The following VAV3 variants were observed in gnomAD, a reference collection of about 807,000 sequenced individuals.
VAV3 encodes the protein guanine nucleotide exchange factor VAV3.
In VAV3, 94 loss-of-function variants were observed where a neutral mutation model predicts 131.2. The observed-to-expected ratio is 0.72, with a 90% CI of 0.61 to 0.85. The LOEUF (loss-of-function observed/expected upper bound fraction) is 0.85. Among genes scored for constraint, VAV3 ranks in the 40% least tolerant of loss-of-function variants. The probability of loss-of-function intolerance (pLI) is 0.00; values close to 1 mark genes in which losing one functional copy is unlikely to be tolerated. For missense variants in VAV3, 939 were observed against 1,002.7 expected (o/e 0.94, Z 0.86); for synonymous variants, 349 against 342.0 (o/e 1.02, Z -0.22).
At chr1:107,898,790 T>C (rs1671726773) in intron 1 of VAV3, among the ~76,000 whole-genome samples, 1 of 152,204 alleles carries the variant, frequency 6.6e-6, no homozygotes, top group African/African-American at 2.4e-5. Context: ...TTATATACTA[T>C]ACATGAACAT....
At chr1:107,777,343 G>C (rs17235990) in intron 3 of VAV3, 47 bp from the exon 4 acceptor site, 19,191 of 1,553,012 alleles carry the variant, frequency 0.012, 204 homozygotes, top group South Asian at 0.032. Flanking sequence ...ACCCATGAGT[G>C]AACGAGCAAC....
intron 20 of VAV3, among the ~76,000 whole-genome samples, chr1:107,637,680 T>C (rs1298552649): frequency 6.6e-6 from 1 of 152,128 alleles, no homozygotes; most frequent in Non-Finnish European, 1.5e-5. Flanking sequence ...AAGGAAACTC[T>C]AGGCCTAGAT....
intron 2 of VAV3, among the ~76,000 whole-genome samples, chr1:107,869,369 T>G (rs1670149382): frequency 6.6e-6 from 1 of 152,170 alleles, no homozygotes; most frequent in Admixed American, 6.5e-5. Flanking sequence ...TTGCACTTAA[T>G]TCAAAATTCG....
chr1:107,755,532 G>C lies in VAV3; in HGVS notation c.1087-19C>G. Reference sequence around the variant, plus strand: ...CCAAGTCCTAGACAATAAAGAAAAGGGTAGAAAAAGAAGGCACACTAAGAT... The same window carrying C: ...CCAAGTCCTAGACAATAAAGAAAAGCGTAGAAAAAGAAGGCACACTAAGAT... On this transcript the variant is annotated intron_variant, in intron 11 of 26. Transcript: ENST00000370056. 6.3e-7 allele frequency: 1 copy of C among 1,579,412 alleles called. No homozygotes were observed. Among genetic ancestry groups the C allele is most frequent in the Non-Finnish European group, 8.7e-7 (1 of 1,152,740 alleles).
At chr1:107,677,088 G>C (rs1658264672) in intron 19 of VAV3, among the ~76,000 whole-genome samples, 3 of 152,154 alleles carry the variant, frequency 2.0e-5, no homozygotes, top group African/African-American at 7.2e-5. Flanking sequence ...AAATTTAGAA[G>C]TCAACTTGAT....
At chr1:107,729,645 T>C (rs956308109) in intron 15 of VAV3, among the ~76,000 whole-genome samples, 1 of 152,210 alleles carries the variant, frequency 6.6e-6, no homozygotes, top group Admixed American at 6.5e-5. Context: ...AATTTTCTCA[T>C]TTGCTAAAAC....
chr1:107,688,480 C>A, intron 17 of VAV3, 74 bp from the exon 18 acceptor site: 1 of 1,602,738 alleles, frequency 6.2e-7, no homozygotes, highest in Non-Finnish European at 8.5e-7. Flanking sequence ...GCTTTCTCTG[C>A]AGAGTGGTAA....
At chr1:107,767,581 G>A (rs988794357) in intron 7 of VAV3, among the ~76,000 whole-genome samples, 1 of 152,204 alleles carries the variant, frequency 6.6e-6, no homozygotes, top group African/African-American at 2.4e-5. Context: ...AGGATGACAT[G>A]CCATTGCTTA....
At chr1:107,642,568 G>C in intron 20 of VAV3, 51 bp downstream of exon 20, 1 of 1,587,660 alleles carries the variant, frequency 6.3e-7, no homozygotes, top group East Asian at 2.2e-5. Flanking sequence ...CAAGATTTAA[G>C]AACCCTCTCT....
chr1:107,836,030 C>T (rs1668464676), intron 2 of VAV3, among the ~76,000 whole-genome samples: 1 of 152,182 alleles, frequency 6.6e-6, no homozygotes, highest in African/African-American at 2.4e-5. Context: ...CATCCAGATT[C>T]ATAAAACAAG....
At chr1:107,649,435 A>T (rs1004349168) in intron 19 of VAV3, among the ~76,000 whole-genome samples, 4 of 152,106 alleles carry the variant, frequency 2.6e-5, no homozygotes, top group African/African-American at 9.7e-5. Context: ...TTCTGTAAAC[A>T]AAAGATGACT....
intron 2 of VAV3, among the ~76,000 whole-genome samples, chr1:107,822,381 G>A (rs573508765): frequency 3.3e-5 from 5 of 152,202 alleles, no homozygotes; most frequent in East Asian, 3.9e-4. Flanking sequence ...TGGGCTGGGC[G>A]CGGTGGCTCA....
At chr1:107,907,847 C>G (rs1310836040) in intron 1 of VAV3, among the ~76,000 whole-genome samples, 1 of 152,146 alleles carries the variant, frequency 6.6e-6, no homozygotes, top group Non-Finnish European at 1.5e-5. Flanking sequence ...TTAACAATTA[C>G]CCAGTCTATG....
At chr1:107,755,548 AC>A in intron 11 of VAV3, 35 bp from the exon 12 acceptor site, 1 of 1,501,176 alleles carries the variant, frequency 6.7e-7, no homozygotes, top group Non-Finnish European at 9.2e-7. Context: ...AAAAGAAGGC[AC>A]ACTAAGATTA....
intron 2 of VAV3, among the ~76,000 whole-genome samples, chr1:107,781,650 A>T (rs1392555080): frequency 6.6e-6 from 1 of 152,214 alleles, no homozygotes; most frequent in Non-Finnish European, 1.5e-5. Context: ...GAGCTAATTT[A>T]CTGACCCCAA....
chr1:107,740,835 T>G (rs1662977574), intron 15 of VAV3, among the ~76,000 whole-genome samples: 1 of 152,200 alleles, frequency 6.6e-6, no homozygotes, highest in Non-Finnish European at 1.5e-5. Flanking sequence ...GCATTCGTAG[T>G]TAACTATGAC....
chr1:107,885,242 A>C (rs1313442927), intron 1 of VAV3, among the ~76,000 whole-genome samples: 1 of 126,758 alleles, frequency 7.9e-6, no homozygotes, highest in Non-Finnish European at 1.6e-5. Context: ...GTGACACATA[A>C]GTCTGTCGCT....
intron 17 of VAV3, chr1:107,688,626 T>G: frequency 8.0e-7 from 1 of 1,246,198 alleles, no homozygotes; most frequent in Non-Finnish European, 1.1e-6. Context: ...CAGTTTTAAA[T>G]GACTTCTAGG....
At chr1:107,789,911 C>T (rs1666201172) in intron 2 of VAV3, among the ~76,000 whole-genome samples, 1 of 152,198 alleles carries the variant, frequency 6.6e-6, no homozygotes, top group Non-Finnish European at 1.5e-5. Flanking sequence ...AGACTAGCCA[C>T]AACCTGAGTG....
Sources: gnomAD v4.1 joint callset for allele counts (sites outside exome capture counted in the v4.1 genomes callset) on GRCh38, gnomAD v4.1.1 for gene constraint, MANE v1.5 for transcripts, NCBI Gene and HGNC (gene_info 2026-07-23, HGNC 2026-07-21) for gene names.